TMEM131: variants seen among roughly 807,000 people sequenced by gnomAD.
The protein encoded by TMEM131 is transmembrane protein 131, also known as 2610524E03Rik.
Under a neutral mutation model 211.6 loss-of-function variants are expected in TMEM131, and 66 were observed. The observed-to-expected ratio is 0.31, with a 90% CI of 0.26 to 0.38. TMEM131 has a LOEUF of 0.38. TMEM131 is among the 10% of genes least tolerant of loss of function. The pLI, the probability that TMEM131 is intolerant of heterozygous loss-of-function variation, is 1.00. For synonymous variants in TMEM131, 844 were observed against 841.3 expected (o/e 1.00, Z -0.06); for missense variants, 2,036 against 2,299.3 (o/e 0.89, Z 2.34).
Position 97,760,773 on chromosome 2 carries a change from T to C in TMEM131, c.5011+20A>G. The C allele has an allele frequency of 6.2e-7, 1 of 1,613,818 alleles. No homozygotes were observed. Among genetic ancestry groups the C allele is most frequent in the Non-Finnish European group, 8.5e-7 (1 of 1,179,728 alleles). ...GGCCTGGCGCCTGGCGTGGCAGGTC[T>C]CTGAAGCAAAGGCACTGACCTGGGC... On this transcript the variant is annotated intron_variant, in intron 37 of 40. Coordinates refer to ENST00000186436, the MANE Select transcript of TMEM131 (RefSeq NM_015348.2).
Position 97,757,070 on chromosome 2 carries a change from C to A in TMEM131, c.*29G>T. ...GGCACATCATGATCTAGACGAGGGC[C>A]CACTATGTTTGTTTGTTTTTTGCTT... On this transcript the variant is annotated 3_prime_UTR_variant, in exon 41 of 41. Transcript: ENST00000186436. 1 of 1,554,546 alleles carries A rather than the reference C, an allele frequency of 6.4e-7. No homozygotes were observed. The highest frequency in any genetic ancestry group is 8.7e-7 in the Non-Finnish European group (1 of 1,147,142).
chr2:97,865,488 G>A (rs1298700807), intron 4 of TMEM131, among the ~76,000 whole-genome samples: 2 of 152,188 alleles, frequency 1.3e-5, no homozygotes, highest in East Asian at 1.9e-4. Flanking sequence ...TTATTATCAT[G>A]AAAGGATGTT....
At chr2:97,908,598 C>T in intron 3 of TMEM131, 60 bp downstream of exon 3, 1 of 1,269,846 alleles carries the variant, frequency 7.9e-7, no homozygotes, top group Non-Finnish European at 1.1e-6. Flanking sequence ...GGAGGGAGAA[C>T]CACAGGAATC....
chr2:97,781,009 T>C (rs1261240204), intron 31 of TMEM131, among the ~76,000 whole-genome samples: 1 of 143,750 alleles, frequency 7.0e-6, no homozygotes, highest in African/African-American at 2.6e-5. Flanking sequence ...CTGGTCACCC[T>C]GCTTGCCTGC....
intron 26 of TMEM131, 114 bp from the exon 27 acceptor site, chr2:97,797,100 G>A (rs1680803918): frequency 8.6e-7 from 1 of 1,166,284 alleles, no homozygotes; most frequent in South Asian, 1.6e-5. Flanking sequence ...ATTTAATGGT[G>A]AGAATTTATA....
At chr2:97,881,532 AC>A (rs1674930164) in intron 4 of TMEM131, among the ~76,000 whole-genome samples, 2 of 152,014 alleles carry the variant, frequency 1.3e-5, no homozygotes, top group East Asian at 1.9e-4. Context: ...AGTAAAAAAA[AC>A]AATCCTTCCC....
intron 3 of TMEM131, among the ~76,000 whole-genome samples, chr2:97,900,699 A>G (rs962232687): frequency 2.6e-5 from 4 of 151,886 alleles, no homozygotes; most frequent in African/African-American, 9.7e-5. Context: ...TCTCTTTGAC[A>G]TAATTATTTC....
intron 10 of TMEM131, 75 bp downstream of exon 10, chr2:97,834,546 G>C (rs185817515): frequency 7.6e-6 from 8 of 1,046,946 alleles, no homozygotes; most frequent in Admixed American, 3.0e-5. Flanking sequence ...TTACATAGTA[G>C]AGCCATTCAG....
chr2:97,783,457 A>G (rs1393602540), intron 31 of TMEM131, among the ~76,000 whole-genome samples: 1 of 152,160 alleles, frequency 6.6e-6, no homozygotes, highest in Non-Finnish European at 1.5e-5. Flanking sequence ...ACATTATCTG[A>G]TTTGGTTCTA....
At chr2:97,966,902 G>T (rs1305498837) in intron 1 of TMEM131, among the ~76,000 whole-genome samples, 2 of 152,096 alleles carry the variant, frequency 1.3e-5, no homozygotes, top group Non-Finnish European at 2.9e-5. Context: ...AAGGTAGCCA[G>T]GCAGGTCCCT....
chr2:97,827,681 T>A, intron 11 of TMEM131: 1 of 918,104 alleles, frequency 1.1e-6, no homozygotes, highest in Non-Finnish European at 1.7e-6. Context: ...AAGGAGGGAA[T>A]CCCACCTCAT....
chr2:97,776,654 T>C (rs926084239), intron 31 of TMEM131, among the ~76,000 whole-genome samples: 3 of 152,178 alleles, frequency 2.0e-5, no homozygotes, highest in Admixed American at 1.3e-4. Flanking sequence ...CAAAGGGTGA[T>C]AGAGCTTTGA....
At chr2:97,984,550 G>C (rs1679938884) in intron 1 of TMEM131, among the ~76,000 whole-genome samples, 1 of 152,046 alleles carries the variant, frequency 6.6e-6, no homozygotes, top group Non-Finnish European at 1.5e-5. Flanking sequence ...GAAGGCAAAG[G>C]AGTGTGCAGA....
At chr2:97,941,003 C>G (rs537748834) in intron 1 of TMEM131, among the ~76,000 whole-genome samples, 36 of 152,072 alleles carry the variant, frequency 2.4e-4, no homozygotes, top group Admixed American at 4.6e-4. Context: ...CAAAAAAGAA[C>G]CCACATTGCC....
intron 8 of TMEM131, among the ~76,000 whole-genome samples, chr2:97,836,563 T>C (rs927814481): frequency 6.6e-6 from 1 of 152,244 alleles, no homozygotes; most frequent in Non-Finnish European, 1.5e-5. Flanking sequence ...TCAACAATAT[T>C]GAAGGTGAAC....
At chr2:97,920,927 A>G (rs1215726752) in intron 2 of TMEM131, among the ~76,000 whole-genome samples, 1 of 151,972 alleles carries the variant, frequency 6.6e-6, no homozygotes, top group African/African-American at 2.4e-5. Context: ...AATTCTTGCC[A>G]AATTGATCTT....
At chr2:97,854,444 C>T (rs973500965) in intron 5 of TMEM131, among the ~76,000 whole-genome samples, 4 of 152,178 alleles carry the variant, frequency 2.6e-5, no homozygotes, top group Non-Finnish European at 5.9e-5. Flanking sequence ...CCAAGTCCAA[C>T]TCCTTTCTTC....
intron 1 of TMEM131, among the ~76,000 whole-genome samples, chr2:97,968,425 T>C (rs1211752048): frequency 1.3e-5 from 2 of 152,190 alleles, no homozygotes; most frequent in African/African-American, 4.8e-5. Flanking sequence ...AACCTGCCTG[T>C]CAGTGTGTAA....
At chr2:97,987,537 A>C (rs1029016922) in intron 1 of TMEM131, among the ~76,000 whole-genome samples, 1 of 152,120 alleles carries the variant, frequency 6.6e-6, no homozygotes, top group Non-Finnish European at 1.5e-5. Flanking sequence ...AAAAAGTCAC[A>C]AACTGTTAGA....
Sources: allele counts gnomAD v4.1 joint callset (sites outside exome capture counted in the v4.1 genomes callset), GRCh38; gene constraint gnomAD v4.1.1; transcripts MANE v1.5; gene names NCBI Gene and HGNC (gene_info 2026-07-23, HGNC 2026-07-21).